CYB5B: variants seen among roughly 807,000 people sequenced by gnomAD.
The protein encoded by CYB5B is cytochrome b5 type B.
Under a neutral mutation model 21.3 loss-of-function variants are expected in CYB5B, and 14 were observed. The observed-to-expected ratio is 0.66, with a 90% confidence interval of 0.43 to 1.03. The LOEUF is 1.03. CYB5B is among the 50% of genes least tolerant of loss of function. The pLI, the probability that CYB5B is intolerant of heterozygous loss-of-function variation, is 0.00. For synonymous variants in CYB5B, 69 were observed against 68.4 expected (o/e 1.01, Z -0.04); for missense variants, 166 against 185.1 (o/e 0.90, Z 0.60).
chr16:69,460,511 A>G (rs2015024636), intron 4 of CYB5B, among the ~76,000 whole-genome samples: 1 of 152,216 alleles, frequency 6.6e-6, no homozygotes, highest in South Asian at 2.1e-4. Context: ...TAAAAATTAA[A>G]AATTTTGCAA....
At chr16:69,432,372 G>A (rs9930728) in intron 1 of CYB5B, among the ~76,000 whole-genome samples, 26,298 of 152,112 alleles carry the variant, frequency 0.17, 2,384 homozygotes, top group Middle Eastern at 0.25. Flanking sequence ...GAAATAGTCA[G>A]CACTTTATTG....
At position 69,424,730 on chromosome 16, in the gene CYB5B, A is replaced by G. The variant is rs1379056266; in HGVS notation, c.47A>G (p.Lys16Arg). The change falls in exon 1 of 5, where the codon AAA (lysine) becomes AGA (arginine). Residue 16 changes from lysine (K) to arginine (R), a missense_variant. By Grantham distance (26) the Lys-to-Arg change is conservative. Coordinates refer to ENST00000307892, the MANE Select transcript of CYB5B (RefSeq NM_030579.3). ...ATAEASGSDG[K>R]GQEVETSVTY... ...GCGGAAGCTAGCGGCAGCGATGGGA[A>G]AGGGCAGGAAGTCGAGACCTCAGTC... is the stretch of plus-strand genomic sequence containing the variant. The G allele has an allele frequency of 6.3e-7, 1 of 1,598,210 alleles. No homozygotes were observed. Among genetic ancestry groups the G allele is most frequent in the African/African-American group, 1.4e-5 (1 of 74,062 alleles).
chr16:69,459,894 C>T (rs2015017907), intron 4 of CYB5B, among the ~76,000 whole-genome samples: 2 of 151,966 alleles, frequency 1.3e-5, no homozygotes, highest in Non-Finnish European at 2.9e-5. Context: ...TTAGGATCAG[C>T]GAAATGCTGC....
chr16:69,464,706 T>C lies in CYB5B; in HGVS notation c.*2186T>C, dbSNP rs1281219379. The C allele has an allele frequency of 2.6e-5, 4 of 152,694 alleles. No individual in the cohort carries two copies. Among genetic ancestry groups the C allele is most frequent in the Non-Finnish European group, 5.9e-5 (4 of 68,044 alleles). The allele number at this position is 152,694 out of a possible 1,614,324, so 9.5% of individuals were successfully genotyped here. ...ATTGGTGTTTTTGTTATTTTTAAGG[T>C]AAATGCCAATGCAAAAGGTATGTTT... On this transcript the variant is annotated 3_prime_UTR_variant, in exon 5 of 5. Coordinates refer to ENST00000307892, the MANE Select transcript of CYB5B (RefSeq NM_030579.3).
At chr16:69,425,819 T>G (rs902260503) in intron 1 of CYB5B, among the ~76,000 whole-genome samples, 7 of 152,216 alleles carry the variant, frequency 4.6e-5, no homozygotes, top group Non-Finnish European at 7.3e-5. Flanking sequence ...GCTTTGATTT[T>G]CGGTTTGTGT....
intron 3 of CYB5B, among the ~76,000 whole-genome samples, chr16:69,453,591 T>C (rs2014956210): frequency 6.6e-6 from 1 of 152,154 alleles, no homozygotes; most frequent in Admixed American, 6.6e-5. Flanking sequence ...GGAGTGTTGC[T>C]CTGTCACCCA....
chr16:69,435,461 G>A (rs776773715), intron 1 of CYB5B, among the ~76,000 whole-genome samples: 3 of 152,158 alleles, frequency 2.0e-5, no homozygotes, highest in Non-Finnish European at 4.4e-5. Flanking sequence ...TAATTCTTGT[G>A]TGAGGTATAG....
chr16:69,446,070 A>C (rs1337676547), intron 1 of CYB5B, among the ~76,000 whole-genome samples: 2 of 152,196 alleles, frequency 1.3e-5, no homozygotes, highest in African/African-American at 4.8e-5. Flanking sequence ...ATGGGTATAA[A>C]TATGCATATA....
At chr16:69,433,676 A>G (rs1001192169) in intron 1 of CYB5B, among the ~76,000 whole-genome samples, 3 of 152,194 alleles carry the variant, frequency 2.0e-5, no homozygotes, top group Admixed American at 6.5e-5. Flanking sequence ...AAATGTAGGG[A>G]CAATAAAATG....
At chr16:69,431,509 C>T (rs77154456) in intron 1 of CYB5B, among the ~76,000 whole-genome samples, 10 of 152,044 alleles carry the variant, frequency 6.6e-5, no homozygotes, top group East Asian at 1.9e-4. Flanking sequence ...CAGTGGCTCA[C>T]GCCTGTAATC....
At position 69,463,357 on chromosome 16, in the gene CYB5B, G is replaced by A. The variant is rs1260093529; in HGVS notation, c.*837G>A. On this transcript the variant is annotated 3_prime_UTR_variant, in exon 5 of 5. Transcript: ENST00000307892. ...GGGGGTGGAAAGGTAGGGATGAATT[G>A]GGGTGATAGAACCCTGGTGAATTCA... is the stretch of plus-strand genomic sequence containing the variant. 1 of 152,010 alleles carries A rather than the reference G, an allele frequency of 6.6e-6. No homozygotes were observed. The highest frequency in any genetic ancestry group is 2.4e-5 in the African/African-American group (1 of 41,378). 9.4% of individuals were successfully genotyped at this position (152,010 alleles called of 1,614,324 possible). A position where few individuals can be genotyped will look rare whatever the true frequency, so the allele number is the denominator to read the frequency against.
rs1013006839 is a variant in CYB5B at position 69,466,022 on chromosome 16, G to A, written c.*3502G>A. The A allele has an allele frequency of 1.3e-5, 2 of 152,526 alleles. No individual in the cohort carries two copies. The highest frequency in any genetic ancestry group is 4.8e-5 in the African/African-American group (2 of 41,392). The allele number at this position is 152,526 out of a possible 1,614,324, so 9.4% of individuals were successfully genotyped here. Reference sequence around the variant, plus strand: ...GCTTCAGTAGCTGCTCTTTGCCCACGCTTGTATCCTACGTTTGCTATTTGG... The same window carrying A: ...GCTTCAGTAGCTGCTCTTTGCCCACACTTGTATCCTACGTTTGCTATTTGG... On this transcript the variant is annotated 3_prime_UTR_variant, in exon 5 of 5. Coordinates refer to ENST00000307892, the MANE Select transcript of CYB5B (RefSeq NM_030579.3).
intron 1 of CYB5B, among the ~76,000 whole-genome samples, chr16:69,438,764 G>A (rs2014788352): frequency 1.3e-5 from 2 of 152,194 alleles, no homozygotes; most frequent in Non-Finnish European, 2.9e-5. Flanking sequence ...ATTTGAATGT[G>A]AGAAGGAGAG....
At chr16:69,436,730 A>C (rs1238770708) in intron 1 of CYB5B, among the ~76,000 whole-genome samples, 1 of 152,130 alleles carries the variant, frequency 6.6e-6, no homozygotes, top group Non-Finnish European at 1.5e-5. Context: ...TTCATTTTCC[A>C]TGTCAGGTGA....
rs1189889966 is a variant in CYB5B, at chr16:69,463,955, C to T, written c.*1435C>T. 6.6e-6 allele frequency: 1 copy of T among 152,140 alleles called. No individual in the cohort carries two copies. The highest frequency in any genetic ancestry group is 1.5e-5 in the Non-Finnish European group (1 of 68,016). 9.4% of individuals were successfully genotyped at this position (152,140 alleles called of 1,614,324 possible). A position where few individuals can be genotyped will look rare whatever the true frequency, so the allele number is the denominator to read the frequency against. ...AAATAGTACACTGGCTGTTTTCTGC[C>T]AGCAACTGTGGTGATTTTTCTCCCT... On this transcript the variant is annotated 3_prime_UTR_variant, in exon 5 of 5. Coordinates refer to ENST00000307892, the MANE Select transcript of CYB5B (RefSeq NM_030579.3).
intron 3 of CYB5B, among the ~76,000 whole-genome samples, chr16:69,458,854 G>A (rs1048584951): frequency 6.6e-6 from 1 of 152,004 alleles, no homozygotes; most frequent in African/African-American, 2.4e-5. Context: ...TCATTTCTAT[G>A]CTTTCATTAG....
intron 2 of CYB5B, among the ~76,000 whole-genome samples, chr16:69,447,494 T>G (rs979935886): frequency 4.0e-5 from 6 of 151,844 alleles, no homozygotes; most frequent in Admixed American, 3.3e-4. Flanking sequence ...AATACAAAAA[T>G]TAGCTGGGTG....
At chr16:69,438,165 A>G (rs2014780376) in intron 1 of CYB5B, among the ~76,000 whole-genome samples, 1 of 152,104 alleles carries the variant, frequency 6.6e-6, no homozygotes, top group African/African-American at 2.4e-5. Context: ...ATATTTGTCC[A>G]GTTGTATCTG....
At chr16:69,432,618 C>T (rs983387522) in intron 1 of CYB5B, among the ~76,000 whole-genome samples, 5 of 152,042 alleles carry the variant, frequency 3.3e-5, no homozygotes, top group Non-Finnish European at 5.9e-5. Context: ...CCCTCGTAGT[C>T]GTCATAGTAT....
Sources: allele counts gnomAD v4.1 joint callset (sites outside exome capture counted in the v4.1 genomes callset), GRCh38; gene constraint gnomAD v4.1.1; transcripts MANE v1.5; gene names NCBI Gene and HGNC (gene_info 2026-07-23, HGNC 2026-07-21).